CNOT1: variants seen among roughly 807,000 people sequenced by gnomAD.
CNOT1 encodes the protein CCR4-NOT transcription complex subunit 1.
In CNOT1, 15 loss-of-function variants were observed where a neutral mutation model predicts 273.8. The ratio of observed to expected loss-of-function variants is 0.05; its 90% confidence interval spans 0.04 to 0.08. The LOEUF (loss-of-function observed/expected upper bound fraction) is 0.08, where lower values mean the gene tolerates loss of function less well. Ranked by LOEUF, CNOT1 falls within the 10% of genes least tolerant of loss-of-function variation. CNOT1 has a pLI of 1.00. For synonymous variants in CNOT1, 1,022 were observed against 1,005.5 expected (o/e 1.02, Z -0.31); for missense variants, 1,644 against 2,912.2 (o/e 0.56, Z 10.02).
intron 1 of CNOT1, among the ~76,000 whole-genome samples, chr16:58,628,219 T>C (rs1472544897): frequency 6.6e-6 from 1 of 152,226 alleles, no homozygotes; most frequent in South Asian, 2.1e-4. Context: ...CATGCTATCA[T>C]TTCAGTCAAA....
rs767542119 is a variant in CNOT1, at chr16:58,546,306, AATT to A, written c.4006+12_4006+14del. On this transcript the variant is annotated intron_variant, in intron 29 of 48. Coordinates refer to ENST00000317147, the MANE Select transcript of CNOT1 (RefSeq NM_016284.5). ...TAGCTAACAGAAGCCTTCCTTGACT[AATT>A]AGCACACTTACTTGTGGTTGTGATG... 4.4e-6 allele frequency: 7 copies of A among 1,607,084 alleles called. No individual in the cohort carries two copies. The highest frequency in any genetic ancestry group is 1.7e-4 in the Middle Eastern group (1 of 6,046).
At chr16:58,596,836 C>T (rs1366244667) in intron 2 of CNOT1, among the ~76,000 whole-genome samples, 1 of 128,182 alleles carries the variant, frequency 7.8e-6, no homozygotes, top group Non-Finnish European at 1.6e-5. Context: ...TGCAGTGAGC[C>T]AAGATCGCGC....
At chr16:58,574,815 G>A in intron 15 of CNOT1, 55 bp from the exon 16 acceptor site, 2 of 1,576,134 alleles carry the variant, frequency 1.3e-6, no homozygotes, top group African/African-American at 1.4e-5. Flanking sequence ...AATGTTTTTG[G>A]ATTAAAGATA....
intron 2 of CNOT1, among the ~76,000 whole-genome samples, chr16:58,590,675 G>A (rs2042022913): frequency 1.3e-5 from 2 of 152,146 alleles, no homozygotes; most frequent in Admixed American, 1.3e-4. Context: ...TGAGGCAGGA[G>A]GATCACATGA....
chr16:58,602,572 A>AC (rs2042512295), intron 1 of CNOT1, among the ~76,000 whole-genome samples: 1 of 147,810 alleles, frequency 6.8e-6, no homozygotes. Context: ...AAAAAAAAAA[A>AC]AAAAACCCAT....
Position 58,548,492 on chromosome 16 carries a change from AAT to A in CNOT1, c.3523-812_3523-811del, listed in dbSNP as rs1348745145. On this transcript the variant is annotated intron_variant, in intron 25 of 48. Coordinates refer to ENST00000317147, the MANE Select transcript of CNOT1 (RefSeq NM_016284.5). ...CCTTGCTATCAGATAATAAAAACGA[AAT>A]AGAGCCATGTTCCTTAACTCTATAC... The A allele has an allele frequency of 3.9e-6, 2 of 514,592 alleles. 1 individual carries two copies. The highest frequency in any genetic ancestry group is 7.7e-6 in the Non-Finnish European group (2 of 258,422). 31.9% of individuals were successfully genotyped at this position (514,592 alleles called of 1,614,324 possible).
chr16:58,544,224 TAAAA>T (rs1370961352), intron 30 of CNOT1, among the ~76,000 whole-genome samples: 1 of 152,212 alleles, frequency 6.6e-6, no homozygotes, highest in African/African-American at 2.4e-5. Context: ...CAAGTGCTCT[TAAAA>T]GAAAGCAACT....
intron 10 of CNOT1, 79 bp from the exon 11 acceptor site, chr16:58,581,594 C>G: frequency 6.9e-7 from 1 of 1,446,920 alleles, no homozygotes; most frequent in Non-Finnish European, 9.1e-7. Flanking sequence ...CAAATTAAAT[C>G]TGAAATTCAA....
intron 13 of CNOT1, among the ~76,000 whole-genome samples, chr16:58,577,846 A>G (rs2041513211): frequency 8.8e-6 from 1 of 113,940 alleles, no homozygotes; most frequent in Non-Finnish European, 2.0e-5. Flanking sequence ...CCTCTCTCTC[A>G]AAAAAAAAAA....
chr16:58,595,564 A>G (rs7206882), intron 2 of CNOT1, among the ~76,000 whole-genome samples: 55,226 of 152,060 alleles, frequency 0.36, 11,065 homozygotes, highest in Non-Finnish European at 0.46. Flanking sequence ...AACAATTCAT[A>G]GTCCACAACC....
intron 14 of CNOT1, among the ~76,000 whole-genome samples, 155 bp downstream of exon 14, chr16:58,576,308 C>T (rs1252425701): frequency 2.6e-5 from 4 of 152,068 alleles, no homozygotes; most frequent in Non-Finnish European, 4.4e-5. Context: ...TGGTGTTTCA[C>T]CATGTTTTGG....
In CNOT1 at chr16:58,586,601, C is replaced by A. The variant is rs747620064; in HGVS notation, c.581G>T (p.Gly194Val). The stretch of plus-strand genomic sequence containing the variant: ...CTGTTCTTGTCCAACTCCAAAGGCT[C>A]CCTTCTGCCCAAAGAGGAGATGGGA... ...LLSHLLFGQK[G>V]AFGVGQEQID... The change falls in exon 7 of 49, where the codon GGA becomes GTA. Residue 194 changes from glycine (G) to valine (V), a missense_variant. Physicochemically the swap from Gly to Val is moderately radical, Grantham distance 109. Coordinates refer to ENST00000317147, the MANE Select transcript of CNOT1 (RefSeq NM_016284.5). 1.2e-6 allele frequency: 2 copies of A among 1,612,320 alleles called. No homozygotes were observed. The highest frequency in any genetic ancestry group is 2.7e-5 in the African/African-American group (2 of 74,614).
intron 42 of CNOT1, chr16:58,530,721 T>C (rs2039752026): frequency 6.4e-6 from 1 of 155,142 alleles, no homozygotes; most frequent in Non-Finnish European, 1.4e-5. Flanking sequence ...GAGGCAGAGG[T>C]TGCAGTGAGC....
chr16:58,560,172 T>A, intron 17 of CNOT1, 40 bp downstream of exon 17: 1 of 1,606,060 alleles, frequency 6.2e-7, no homozygotes, highest in Non-Finnish European at 8.5e-7. Flanking sequence ...ATTCCAAATC[T>A]ATGGCAAATG....
intron 23 of CNOT1, 152 bp from the exon 24 acceptor site, chr16:58,551,424 T>C: frequency 2.5e-6 from 3 of 1,204,464 alleles, no homozygotes; most frequent in Non-Finnish European, 3.5e-6. Flanking sequence ...ATTAATATGT[T>C]TGCCTCTGGG....
At chr16:58,530,771 C>G (rs1367756794) in intron 42 of CNOT1, 1 of 131,544 alleles carries the variant, frequency 7.6e-6, no homozygotes, top group African/African-American at 3.0e-5. Flanking sequence ...ACAACAAGAG[C>G]AAAACTCCAT....
intron 33 of CNOT1, 31 bp from the exon 34 acceptor site, chr16:58,541,651 T>A: frequency 6.2e-7 from 1 of 1,605,868 alleles, no homozygotes; most frequent in Non-Finnish European, 8.5e-7. Flanking sequence ...TTTGACAGAA[T>A]TCACTCAATA....
rs768712547 is a variant in CNOT1 at position 58,541,536 on chromosome 16, T to C, written c.4765A>G (p.Ser1589Gly). ...VPGFLPTNDL[S>G]QPTGFLAQPM... ...TGGGCTAAAAATCCCGTGGGCTGAC[T>C]TAAGTCATTTGTAGGTAAGAAGCCA... is the stretch of plus-strand genomic sequence containing the variant. The change falls in exon 34 of 49, where the codon AGT becomes GGT. Residue 1589 changes from serine to glycine, a missense_variant. Ser to Gly is a moderately conservative substitution (Grantham distance 56, BLOSUM62 0). Coordinates refer to ENST00000317147, the MANE Select transcript of CNOT1 (RefSeq NM_016284.5). 1.2e-6 allele frequency: 2 copies of C among 1,614,044 alleles called. No homozygotes were observed. The highest frequency in any genetic ancestry group is 3.3e-5 in the Admixed American group (2 of 60,028).
rs200088613 is a variant in CNOT1 at position 58,603,408 on chromosome 16, A to AGTGTGTGTGT, written c.-174-3907_-174-3898dup. 9.0e-4 allele frequency among the ~76,000 whole-genome samples: 87 copies of AGTGTGTGTGT among 96,752 alleles called. 1 individual carries two copies. Among genetic ancestry groups the AGTGTGTGTGT allele is most frequent in the Non-Finnish European group, 1.6e-3 (67 of 41,156 alleles). The allele number at this position is 96,752 out of a possible 152,430, so 63.5% of individuals were successfully genotyped here. ...CTAGACCCTATCTCTACAATTTAAA[A>AGTGTGTGTGT]GTGTGTGTGTGTGTGTGTGTGTGTG... On this transcript the variant is annotated intron_variant, in intron 1 of 48. Transcript: ENST00000317147.
Sources: allele counts gnomAD v4.1 joint callset (sites outside exome capture counted in the v4.1 genomes callset), GRCh38; gene constraint gnomAD v4.1.1; transcripts MANE v1.5; gene names NCBI Gene and HGNC (gene_info 2026-07-23, HGNC 2026-07-21).